Variants in EYA2 observed in about 807,000 individuals in gnomAD.
EYA2 encodes the protein protein phosphatase EYA2.
EYA2 carries 31 observed loss-of-function variants against 69.2 expected under a neutral mutation model. That is an observed-to-expected ratio of 0.45 (90% CI 0.34 to 0.60). EYA2 has a LOEUF of 0.60. EYA2 is among the 20% of genes least tolerant of loss of function. The pLI is 0.02. For synonymous variants in EYA2, 257 were observed against 279.4 expected (o/e 0.92, Z 0.80); for missense variants, 622 against 701.2 (o/e 0.89, Z 1.28).
At chr20:47,046,440 A>C (rs2146425507) in intron 5 of EYA2, among the ~76,000 whole-genome samples, 1 of 152,318 alleles carries the variant, frequency 6.6e-6, no homozygotes, top group Non-Finnish European at 1.5e-5. Flanking sequence ...GCATGTAGAT[A>C]CACCGAAGGA....
At chr20:47,114,702 A>G (rs1313266576) in intron 9 of EYA2, among the ~76,000 whole-genome samples, 1 of 152,184 alleles carries the variant, frequency 6.6e-6, no homozygotes, top group Non-Finnish European at 1.5e-5. Context: ...TCTCATGTTA[A>G]ATTATAATCC....
intron 10 of EYA2, chr20:47,161,310 C>T: frequency 1.9e-6 from 1 of 526,510 alleles, no homozygotes; most frequent in Non-Finnish European, 3.6e-6. Context: ...ACTTAACACC[C>T]AGATCGACAT....
chr20:47,119,877 G>T (rs532923914), intron 9 of EYA2, among the ~76,000 whole-genome samples: 1 of 152,006 alleles, frequency 6.6e-6, no homozygotes, highest in Non-Finnish European at 1.5e-5. Flanking sequence ...GACCAGCCTG[G>T]GCAACATAGT....
rs118034856 is a variant in EYA2, at chr20:47,064,798, C to T, written c.416-7387C>T. On this transcript the variant is annotated intron_variant, in intron 5 of 15. Transcript: ENST00000327619. ...GACAATGCCCACCTTAGAGAGTAGA[C>T]AGCAGCGTCACATAAGTCACTGTAC... Among the ~76,000 whole-genome samples, 40 of 152,324 alleles carry T rather than the reference C, an allele frequency of 2.6e-4. No individual in the cohort carries two copies. The East Asian group carries it at 7.5e-3, about 29-fold the overall frequency.
At chr20:47,151,196 G>A (rs193031929) in intron 10 of EYA2, among the ~76,000 whole-genome samples, 25 of 151,988 alleles carry the variant, frequency 1.6e-4, no homozygotes, top group African/African-American at 6.0e-4. Context: ...CATGGCAAAA[G>A]CCTGTCTCTA....
At chr20:46,964,044 G>A (rs187453826) in intron 1 of EYA2, among the ~76,000 whole-genome samples, 1 of 152,356 alleles carries the variant, frequency 6.6e-6, no homozygotes, top group East Asian at 1.9e-4. Context: ...AGCATCGCAG[G>A]AAGAAAAGTA....
At position 47,006,126 on chromosome 20, in the gene EYA2, G is replaced by T. The variant is rs139458702; in HGVS notation, c.298+1042G>T. On this transcript the variant is annotated intron_variant, in intron 4 of 15. Coordinates refer to ENST00000327619, the MANE Select transcript of EYA2 (RefSeq NM_005244.5). Reference sequence around the variant, plus strand: ...GCAAAGACAGCCCTGGCAGTTTCAGGCTGCAGTGTCCCCCAAAAAGAGAGC... The same window carrying T: ...GCAAAGACAGCCCTGGCAGTTTCAGTCTGCAGTGTCCCCCAAAAAGAGAGC... Among the ~76,000 whole-genome samples, 20 of 152,306 alleles carry T rather than the reference G, an allele frequency of 1.3e-4. No homozygotes were observed. In the East Asian group the frequency reaches 3.5e-3, roughly 26 times the overall value.
At chr20:46,952,080 G>T (rs1047651402) in intron 1 of EYA2, among the ~76,000 whole-genome samples, 1 of 152,234 alleles carries the variant, frequency 6.6e-6, no homozygotes, top group Admixed American at 6.5e-5. Context: ...ACAAAGGCAC[G>T]TGTGTAATGA....
At chr20:47,120,143 G>T (rs2146556619) in intron 9 of EYA2, among the ~76,000 whole-genome samples, 1 of 152,320 alleles carries the variant, frequency 6.6e-6, no homozygotes, top group Admixed American at 6.5e-5. Flanking sequence ...AGGAGGCAGA[G>T]GTTGCAGTGA....
chr20:47,156,179 TA>T (rs2033946267), intron 10 of EYA2, among the ~76,000 whole-genome samples: 2 of 85,564 alleles, frequency 2.3e-5, no homozygotes, highest in South Asian at 4.5e-4. Flanking sequence ...TATATATATA[TA>T]TATATTAGCC....
At chr20:47,183,773 A>G (rs2034583860) in intron 15 of EYA2, among the ~76,000 whole-genome samples, 1 of 152,220 alleles carries the variant, frequency 6.6e-6, no homozygotes, top group African/African-American at 2.4e-5. Context: ...TAAGCTAATG[A>G]AAAAGAAAAT....
At chr20:46,968,264 C>T (rs1979913781) in intron 1 of EYA2, among the ~76,000 whole-genome samples, 1 of 152,220 alleles carries the variant, frequency 6.6e-6, no homozygotes, top group Admixed American at 6.5e-5. Context: ...GACATCTTAG[C>T]AATTGTGATC....
At chr20:47,052,592 G>A (rs2030395464) in intron 5 of EYA2, among the ~76,000 whole-genome samples, 1 of 152,144 alleles carries the variant, frequency 6.6e-6, no homozygotes, top group Non-Finnish European at 1.5e-5. Context: ...AGGCAAAATA[G>A]GTCGTTTTAG....
At chr20:47,010,240 G>T (rs545096260) in intron 4 of EYA2, among the ~76,000 whole-genome samples, 3 of 152,332 alleles carry the variant, frequency 2.0e-5, no homozygotes, top group African/African-American at 7.2e-5. Context: ...CCAGAACTTA[G>T]TGGCTTAAAA....
rs184616700 is a variant in EYA2, at chr20:47,068,872, C to T, written c.416-3313C>T. ...TTCTTGTTTGATGTAAGTCACCGCT[C>T]ATTTGAGTAGCCATTTGTTTTCTAA... is the stretch of plus-strand genomic sequence containing the variant. On this transcript the variant is annotated intron_variant, in intron 5 of 15. Transcript: ENST00000327619. Among the ~76,000 whole-genome samples, 12 of 152,274 alleles carry T rather than the reference C, an allele frequency of 7.9e-5. No homozygotes were observed. In the East Asian group the frequency reaches 2.3e-3, roughly 29 times the overall value.
Position 47,112,862 on chromosome 20 carries a change from C to CTTTTTTTT in EYA2, c.888+15714_888+15721dup, listed in dbSNP as rs11473217. 2.2e-3 allele frequency among the ~76,000 whole-genome samples: 121 copies of CTTTTTTTT among 55,832 alleles called. 25 individuals carry two copies. Among genetic ancestry groups the CTTTTTTTT allele is most frequent in the East Asian group, 7.9e-3 (13 of 1,656 alleles). 36.6% of individuals were successfully genotyped at this position (55,832 alleles called of 152,430 possible). A position where few individuals can be genotyped will look rare whatever the true frequency, so the allele number is the denominator to read the frequency against. On this transcript the variant is annotated intron_variant, in intron 9 of 15. Coordinates refer to ENST00000327619, the MANE Select transcript of EYA2 (RefSeq NM_005244.5). ...CAAAAGTTAGATTTCATGTTCACTCCTTTTTTTTTTTTTTTTTTTTTTTTT... is the reference window on the plus strand; with the variant it reads ...CAAAAGTTAGATTTCATGTTCACTCCTTTTTTTTTTTTTTTTTTTTTTTTTTTTTTTTT...
chr20:47,011,250 C>T (rs1983038392), intron 4 of EYA2, among the ~76,000 whole-genome samples: 1 of 152,158 alleles, frequency 6.6e-6, no homozygotes, highest in African/African-American at 2.4e-5. Context: ...GCAGAGGGCA[C>T]CTGCCTCAGT....
intron 2 of EYA2, among the ~76,000 whole-genome samples, chr20:46,992,661 G>A (rs1466882312): frequency 6.6e-6 from 1 of 152,156 alleles, no homozygotes; most frequent in Admixed American, 6.5e-5. Context: ...TTTGTGACTT[G>A]GAGCTGTCAG....
intron 11 of EYA2, among the ~76,000 whole-genome samples, 184 bp downstream of exon 11, chr20:47,169,381 C>T (rs1244710583): frequency 6.6e-6 from 1 of 152,092 alleles, no homozygotes; most frequent in Non-Finnish European, 1.5e-5. Flanking sequence ...TGTGGTGGCT[C>T]ATACTTGTAA....
Sources: allele counts gnomAD v4.1 joint callset (sites outside exome capture counted in the v4.1 genomes callset), GRCh38; gene constraint gnomAD v4.1.1; transcripts MANE v1.5; gene names NCBI Gene and HGNC (gene_info 2026-07-23, HGNC 2026-07-21).